Variants in GABPB1 observed in about 807,000 individuals in gnomAD.
GABPB1 encodes the protein GA binding protein transcription factor subunit beta 1, also known as GA-binding protein subunit beta-1.
A neutral mutation model predicts 45.9 loss-of-function variants in GABPB1; 15 were observed. The observed-to-expected ratio is 0.33, with a 90% CI of 0.22 to 0.50. The LOEUF is 0.50. GABPB1 is among the 20% of genes least tolerant of loss of function. GABPB1 has a pLI of 0.98. For synonymous variants in GABPB1, 143 were observed against 154.4 expected (o/e 0.93, Z 0.55); for missense variants, 252 against 457.5 (o/e 0.55, Z 4.10).
intron 1 of GABPB1, among the ~76,000 whole-genome samples, chr15:50,335,915 A>AAAAAAAAG (rs747229560): frequency 2.1e-4 from 22 of 104,452 alleles, no homozygotes; most frequent in Admixed American, 5.7e-4. Context: ...AAAAAAAAAA[A>AAAAAAAAG]AAGAAGACTG....
intron 1 of GABPB1, among the ~76,000 whole-genome samples, chr15:50,335,053 T>C (rs955969154): frequency 6.6e-6 from 1 of 152,194 alleles, no homozygotes; most frequent in African/African-American, 2.4e-5. Context: ...TTGAAGAACA[T>C]TTGCATTTGC....
intron 1 of GABPB1, chr15:50,351,631 A>G (rs1056847333): frequency 7.2e-5 from 9 of 124,238 alleles, no homozygotes; most frequent in Non-Finnish European, 1.3e-4. Flanking sequence ...AGAGAGAGGG[A>G]GAGGGACAGA....
At position 50,343,531 on chromosome 15, in the gene GABPB1, A is replaced by G. The variant is rs536259758; in HGVS notation, c.-1+11454T>C. 9.9e-5 allele frequency among the ~76,000 whole-genome samples: 15 copies of G among 151,366 alleles called. No individual in the cohort carries two copies. In the East Asian group the frequency reaches 2.9e-3, roughly 30 times the overall value. On this transcript the variant is annotated intron_variant, in intron 1 of 8. Coordinates refer to ENST00000380877, the MANE Select transcript of GABPB1 (RefSeq NM_016654.5). ...CTAAGATAGCTACCACATCCCACCA[A>G]TCTATCCCCTCACCTCTTTTTTTTT...
intron 6 of GABPB1, 79 bp downstream of exon 6, chr15:50,300,710 G>A: frequency 2.3e-6 from 2 of 857,054 alleles, no homozygotes; most frequent in Non-Finnish European, 4.0e-6. Context: ...CTCCCAAAGT[G>A]CTAGGATTAC....
At chr15:50,283,092 C>A (rs1595728808) in intron 8 of GABPB1, among the ~76,000 whole-genome samples, 1 of 152,090 alleles carries the variant, frequency 6.6e-6, no homozygotes, top group Admixed American at 6.6e-5. Context: ...TTATCTCTAA[C>A]CTCCATGGCA....
At chr15:50,343,988 T>G (rs1287107425) in intron 1 of GABPB1, among the ~76,000 whole-genome samples, 3 of 152,236 alleles carry the variant, frequency 2.0e-5, no homozygotes, top group Admixed American at 6.5e-5. Context: ...ATCACGTATT[T>G]GTTTACTATG....
chr15:50,276,222 TTTCATATACTTTTATTTTTGTCAG>T lies in GABPB1; in HGVS notation c.*2386_*2409del. 6.6e-6 allele frequency: 1 copy of T among 152,372 alleles called. No homozygotes were observed. The highest frequency in any genetic ancestry group is 2.1e-4 in the South Asian group (1 of 4,834). 9.4% of individuals were successfully genotyped at this position (152,372 alleles called of 1,614,324 possible). ...TTATGTGGATTTCTGAAAACTTTTA[TTTCATATACTTTTATTTTTGTCAG>T]TTCTTTAAATCCTCTGTTCAGAGCA... On this transcript the variant is annotated 3_prime_UTR_variant, in exon 9 of 9. Coordinates refer to ENST00000380877, the MANE Select transcript of GABPB1 (RefSeq NM_016654.5).
intron 1 of GABPB1, among the ~76,000 whole-genome samples, chr15:50,338,953 G>C (rs1185673895): frequency 2.0e-5 from 3 of 151,844 alleles, no homozygotes; most frequent in African/African-American, 7.3e-5. Flanking sequence ...CTGAGGTCTG[G>C]AGTTCAAGAC....
rs1260915027 is a variant in GABPB1, at chr15:50,354,580, C to T, written c.-1+405G>A. On this transcript the variant is annotated intron_variant, in intron 1 of 8. Transcript: ENST00000380877. ...GCGCCTGCCTTCCTCTTTCTCCCGC[C>T]CACTGCCAACCTCCAGTCGCCCGCA... 8 of 448,868 alleles carry T rather than the reference C, an allele frequency of 1.8e-5. No individual in the cohort carries two copies. In the East Asian group the frequency reaches 3.8e-4, roughly 21 times the overall value. 27.8% of individuals were successfully genotyped at this position (448,868 alleles called of 1,614,324 possible). A position where few individuals can be genotyped will look rare whatever the true frequency, so the allele number is the denominator to read the frequency against.
chr15:50,308,917 T>A (rs1217721088), intron 2 of GABPB1, among the ~76,000 whole-genome samples: 1 of 152,190 alleles, frequency 6.6e-6, no homozygotes, highest in Non-Finnish European at 1.5e-5. Context: ...GACAGAGTTA[T>A]AGAGGAAACA....
chr15:50,283,525 T>C (rs1458447725), intron 8 of GABPB1, among the ~76,000 whole-genome samples: 1 of 151,870 alleles, frequency 6.6e-6, no homozygotes, highest in Non-Finnish European at 1.5e-5. Context: ...TATTGTTTTT[T>C]TTTTTTCTTT....
chr15:50,323,865 C>T (rs114956880), intron 1 of GABPB1, among the ~76,000 whole-genome samples: 3,120 of 152,138 alleles, frequency 0.021, 109 homozygotes, highest in African/African-American at 0.072. Flanking sequence ...GAGTCAGATC[C>T]TGTCATTAAT....
rs528455622 is a variant in GABPB1, at chr15:50,337,660, G to T, written c.-1+17325C>A. Among the ~76,000 whole-genome samples, 71 of 152,126 alleles carry T rather than the reference G, an allele frequency of 4.7e-4. 1 individual carries two copies. In the South Asian group the frequency reaches 7.3e-3, roughly 16 times the overall value. On this transcript the variant is annotated intron_variant, in intron 1 of 8. Transcript: ENST00000380877. Reference sequence around the variant, plus strand: ...GCGATCATGTGGTCCCAGCTACTTGGGAGGCTGAAGTGAGAGGATCACCAG... The same window carrying T: ...GCGATCATGTGGTCCCAGCTACTTGTGAGGCTGAAGTGAGAGGATCACCAG...
At chr15:50,297,864 T>C (rs1448343076) in intron 6 of GABPB1, among the ~76,000 whole-genome samples, 3 of 152,172 alleles carry the variant, frequency 2.0e-5, no homozygotes. Context: ...TGATGTCATA[T>C]TGAAATGAAA....
At chr15:50,290,770 T>A (rs1406582959) in intron 6 of GABPB1, among the ~76,000 whole-genome samples, 1 of 152,216 alleles carries the variant, frequency 6.6e-6, no homozygotes, top group Non-Finnish European at 1.5e-5. Context: ...GTAAATAGTG[T>A]ATGTTAACAT....
At chr15:50,316,243 G>A (rs1329482318) in intron 1 of GABPB1, among the ~76,000 whole-genome samples, 3 of 152,074 alleles carry the variant, frequency 2.0e-5, no homozygotes, top group African/African-American at 7.2e-5. Flanking sequence ...TGCCAAGATG[G>A]CCATCTAGTG....
intron 8 of GABPB1, among the ~76,000 whole-genome samples, chr15:50,284,828 C>T (rs2046100580): frequency 6.6e-6 from 1 of 152,022 alleles, no homozygotes; most frequent in African/African-American, 2.4e-5. Flanking sequence ...AATAAGTATA[C>T]TGATACTATT....
At chr15:50,305,283 TATCTATCTATCTATAG>T (rs1470557835) in intron 2 of GABPB1, among the ~76,000 whole-genome samples, 1 of 45,810 alleles carries the variant, frequency 2.2e-5, no homozygotes, top group Non-Finnish European at 7.6e-5. Context: ...CCTATCTCTC[TATCTATCTATCTATAG>T]ATAGAGAGAT....
chr15:50,320,850 T>C (rs555348962), intron 1 of GABPB1, among the ~76,000 whole-genome samples: 1 of 152,172 alleles, frequency 6.6e-6, no homozygotes, highest in African/African-American at 2.4e-5. Flanking sequence ...GCCTTAAAGA[T>C]GGAGGAAGGG....
Sources: allele counts gnomAD v4.1 joint callset (sites outside exome capture counted in the v4.1 genomes callset), GRCh38; gene constraint gnomAD v4.1.1; transcripts MANE v1.5; gene names NCBI Gene and HGNC (gene_info 2026-07-23, HGNC 2026-07-21).